The following RYR2 variants were observed in gnomAD, a reference collection of about 807,000 sequenced individuals.
RYR2 encodes ryanodine receptor 2, also known as cardiac muscle ryanodine receptor-calcium release channel.
In RYR2, 227 loss-of-function variants were observed where a neutral mutation model predicts 601.1. The observed-to-expected ratio is 0.38, with a 90% CI of 0.34 to 0.42. The LOEUF (loss-of-function observed/expected upper bound fraction) is 0.42, where lower values mean the gene tolerates loss of function less well. Among genes scored for constraint, RYR2 ranks in the 10% least tolerant of loss-of-function variants. The pLI is 1.00. For missense variants in RYR2, 4,646 were observed against 6,156.5 expected (o/e 0.75, Z 8.21); for synonymous variants, 2,223 against 2,175.1 (o/e 1.02, Z -0.61).
Position 237,496,720 on chromosome 1 carries a change from C to T in RYR2, c.2171C>T (p.Ser724Phe). 6.2e-7 allele frequency: 1 copy of T among 1,613,844 alleles called. No homozygotes were observed. Among genetic ancestry groups the T allele is most frequent in the South Asian group, 1.1e-5 (1 of 91,068 alleles). Residue 724 changes from serine (S) to phenylalanine (F), a missense_variant, in exon 20 of 105, where the codon TCC becomes TTC. Coordinates refer to ENST00000366574, the MANE Select transcript of RYR2 (RefSeq NM_001035.3). Reference protein sequence around the residue: ...GGNGVGDDLFSYGFDGLHLWS... With the variant: ...GGNGVGDDLFFYGFDGLHLWS... ...AATGGTGTTGGAGATGATCTCTTCT[C>T]CTATGGATTTGATGGCCTTCATCTC...
chr1:237,535,194 T>C lies in RYR2; in HGVS notation c.2906+4684T>C, dbSNP rs562024216. ...AAATAAATTATAATAAGAGCAATAT[T>C]AATGAATTTGGTGGGGGCGGGATGA... On this transcript the variant is annotated intron_variant, in intron 25 of 104. Coordinates refer to ENST00000366574, the MANE Select transcript of RYR2 (RefSeq NM_001035.3). Among the ~76,000 whole-genome samples, 54 of 151,828 alleles carry C rather than the reference T, an allele frequency of 3.6e-4. No homozygotes were observed. In the South Asian group the frequency reaches 0.011, roughly 30 times the overall value.
At chr1:237,812,428 T>TTTGGAAAA (rs1661348600) in intron 100 of RYR2, among the ~76,000 whole-genome samples, 1 of 152,186 alleles carries the variant, frequency 6.6e-6, no homozygotes, top group Admixed American at 6.5e-5. Context: ...CCCCAGAAAT[T>TTTGGAAAA]CCAGAAGTTT....
intron 3 of RYR2, among the ~76,000 whole-genome samples, chr1:237,339,053 T>C (rs1428993596): frequency 6.6e-6 from 1 of 152,182 alleles, no homozygotes; most frequent in African/African-American, 2.4e-5. Flanking sequence ...TAAGTCTCTG[T>C]ATAAGTCTTC....
At chr1:237,331,657 C>T (rs544995078) in intron 3 of RYR2, among the ~76,000 whole-genome samples, 52 of 150,668 alleles carry the variant, frequency 3.5e-4, no homozygotes, top group African/African-American at 1.2e-3. Context: ...CTCCTGCCAC[C>T]ACCACACCTG....
intron 3 of RYR2, among the ~76,000 whole-genome samples, chr1:237,346,384 A>AAAAAAAAAAAAAAAAAAAAAAAAAT (rs1558659601): frequency 3.3e-5 from 5 of 151,454 alleles, no homozygotes; most frequent in Admixed American, 6.6e-5. Flanking sequence ...AAAAAAAAAA[A>AAAAAAAAAAAAAAAAAAAAAAAAAT]GTGCATATCC....
intron 3 of RYR2, among the ~76,000 whole-genome samples, chr1:237,353,272 C>T (rs1216818911): frequency 6.6e-6 from 1 of 151,812 alleles, no homozygotes; most frequent in African/African-American, 2.4e-5. Context: ...AATATGAATG[C>T]ACGAGATGGG....
At chr1:237,261,166 C>T (rs779126369) in intron 1 of RYR2, among the ~76,000 whole-genome samples, 5 of 152,156 alleles carry the variant, frequency 3.3e-5, no homozygotes, top group East Asian at 1.9e-4. Flanking sequence ...ATAAATGCAA[C>T]GCATATCTAG....
Position 237,368,306 on chromosome 1 carries a change from A to G in RYR2, c.310-1228A>G, listed in dbSNP as rs373940313. ...GAAGTTACAGAAGAAAAATCCTTCA[A>G]TTACACTAATAGAAAAAAACTACTG... On this transcript the variant is annotated intron_variant, in intron 5 of 104. Transcript: ENST00000366574. Among the ~76,000 whole-genome samples the G allele has an allele frequency of 2.8e-3, 434 of 152,324 alleles. 2 individuals are homozygous for G. Among genetic ancestry groups the G allele is most frequent in the African/African-American group, 0.01 (420 of 41,560 alleles).
intron 1 of RYR2, among the ~76,000 whole-genome samples, chr1:237,204,742 G>C (rs181708525): frequency 3.3e-5 from 5 of 152,258 alleles, no homozygotes; most frequent in African/African-American, 1.2e-4. Flanking sequence ...TGGAGGTCAG[G>C]AGGGGCAAAT....
rs563692181 is a variant in RYR2 at position 237,694,837 on chromosome 1, G to T, written c.9068-4128G>T. Among the ~76,000 whole-genome samples the T allele has an allele frequency of 2.5e-4, 38 of 152,300 alleles. No homozygotes were observed. In the South Asian group the frequency reaches 7.0e-3, roughly 28 times the overall value. ...AGACTTTAGAAATAACAAAGTCATT[G>T]ACACTCTGCAATTTCTCTCTATTCC... On this transcript the variant is annotated intron_variant, in intron 63 of 104. Transcript: ENST00000366574.
At chr1:237,128,602 G>T (rs1280899738) in intron 1 of RYR2, among the ~76,000 whole-genome samples, 7 of 152,170 alleles carry the variant, frequency 4.6e-5, no homozygotes, top group Non-Finnish European at 2.9e-5. Context: ...ATGACTTTGA[G>T]TAAGTCAAGC....
At chr1:237,832,427 A>G in intron 104 of RYR2, 125 bp from the exon 105 acceptor site, 1 of 540,516 alleles carries the variant, frequency 1.9e-6, no homozygotes, top group Non-Finnish European at 3.3e-6. Flanking sequence ...TTAGTTAGGA[A>G]CCATCTAAAT....
At chr1:237,722,675 C>T (rs758461722) in intron 73 of RYR2, among the ~76,000 whole-genome samples, 10 of 152,074 alleles carry the variant, frequency 6.6e-5, no homozygotes, top group Non-Finnish European at 5.9e-5. Flanking sequence ...CCTCATGATC[C>T]GCCCACCTCG....
intron 76 of RYR2, among the ~76,000 whole-genome samples, chr1:237,729,760 A>G (rs539592950): frequency 1.3e-5 from 2 of 152,276 alleles, no homozygotes; most frequent in South Asian, 2.1e-4. Flanking sequence ...ATGTACTCCC[A>G]TAAAGTTCAC....
intron 2 of RYR2, among the ~76,000 whole-genome samples, chr1:237,304,587 C>A (rs1693688018): frequency 6.6e-6 from 1 of 152,132 alleles, no homozygotes; most frequent in Admixed American, 6.5e-5. Flanking sequence ...TGCCATCTTC[C>A]ATTTCTGGGT....
intron 1 of RYR2, among the ~76,000 whole-genome samples, chr1:237,063,331 TTTTA>T (rs956801943): frequency 2.6e-4 from 40 of 152,330 alleles, no homozygotes; most frequent in African/African-American, 9.1e-4. Context: ...ATGATATTTA[TTTTA>T]TTTATTTTTT....
intron 1 of RYR2, among the ~76,000 whole-genome samples, chr1:237,055,054 T>C (rs1661809740): frequency 6.6e-6 from 1 of 152,188 alleles, no homozygotes. Context: ...GTCCCACCTC[T>C]GTCGGATCCT....
At chr1:237,454,365 A>G (rs1658545518) in intron 14 of RYR2, 26 bp from the exon 15 acceptor site, 1 of 1,567,084 alleles carries the variant, frequency 6.4e-7, no homozygotes, top group Non-Finnish European at 8.6e-7. Flanking sequence ...CACTGACAAT[A>G]GAGAAATGTT....
intron 33 of RYR2, 91 bp downstream of exon 33, chr1:237,593,727 G>T (rs1478915): frequency 7.7e-7 from 1 of 1,301,640 alleles, no homozygotes; most frequent in Non-Finnish European, 1.1e-6. Context: ...TGTGACCAAG[G>T]TATTTCTATT....
Sources: allele counts gnomAD v4.1 joint callset (sites outside exome capture counted in the v4.1 genomes callset), GRCh38; gene constraint gnomAD v4.1.1; transcripts MANE v1.5; gene names NCBI Gene and HGNC (gene_info 2026-07-23, HGNC 2026-07-21).